The following CREBBP variants were observed in gnomAD, a reference collection of about 807,000 sequenced individuals.
The protein encoded by CREBBP is CREB binding lysine acetyltransferase.
Under a neutral mutation model 265.0 loss-of-function variants are expected in CREBBP, and 19 were observed. That is an observed-to-expected ratio of 0.07 (90% confidence interval 0.05 to 0.11). The LOEUF is 0.11. Ranked by LOEUF, CREBBP falls within the 10% of genes least tolerant of loss-of-function variation. The pLI, the probability that CREBBP is intolerant of heterozygous loss-of-function variation, is 1.00. For synonymous variants in CREBBP, 1,457 were observed against 1,223.7 expected, an observed-to-expected ratio of 1.19 and a Z score of -3.98; for missense variants, 2,525 against 3,219.0, an observed-to-expected ratio of 0.78 and a Z score of 5.22.
chr16:3,807,241 G>A (rs915153716), intron 3 of CREBBP, among the ~76,000 whole-genome samples: 2 of 152,094 alleles, frequency 1.3e-5, no homozygotes, highest in African/African-American at 4.8e-5. Flanking sequence ...GAAACTAGGA[G>A]GGGAGAGGAA....
intron 10 of CREBBP, 94 bp from the exon 11 acceptor site, chr16:3,777,751 A>G: frequency 1.4e-6 from 2 of 1,468,570 alleles, no homozygotes; most frequent in Non-Finnish European, 1.9e-6. Context: ...TAGGACTTCA[A>G]ACTTAAAAGG....
At chr16:3,873,535 G>C (rs1228441068) in intron 1 of CREBBP, among the ~76,000 whole-genome samples, 1 of 152,150 alleles carries the variant, frequency 6.6e-6, no homozygotes, top group Non-Finnish European at 1.5e-5. Context: ...AGCACTCCCA[G>C]TAAGTCCTAG....
chr16:3,843,793 C>G (rs1457467653), intron 2 of CREBBP, among the ~76,000 whole-genome samples: 1 of 152,084 alleles, frequency 6.6e-6, no homozygotes, highest in Non-Finnish European at 1.5e-5. Context: ...AGGGTGAAGT[C>G]TCTCAATTCT....
chr16:3,762,530 G>C (rs939130797), intron 16 of CREBBP, among the ~76,000 whole-genome samples: 5 of 151,886 alleles, frequency 3.3e-5, no homozygotes, highest in African/African-American at 1.2e-4. Context: ...TCTGTAAGAA[G>C]ATCCCATATG....
chr16:3,762,430 C>G (rs994581703), intron 16 of CREBBP, among the ~76,000 whole-genome samples: 2 of 134,530 alleles, frequency 1.5e-5, no homozygotes, highest in African/African-American at 5.7e-5. Flanking sequence ...GTGGTGCAAT[C>G]TCGGCCCCCA....
At chr16:3,760,803 A>G (rs747110493) in intron 16 of CREBBP, among the ~76,000 whole-genome samples, 26 of 151,782 alleles carry the variant, frequency 1.7e-4, no homozygotes, top group Non-Finnish European at 1.9e-4. Flanking sequence ...CTGTAGCTGC[A>G]AACTCCTGGG....
intron 2 of CREBBP, among the ~76,000 whole-genome samples, chr16:3,834,341 T>G (rs116760583): frequency 6.6e-6 from 1 of 152,120 alleles, no homozygotes. Context: ...TTGCCAAAAC[T>G]TGGAAGCAAC....
chr16:3,816,145 G>C (rs1379459281), intron 2 of CREBBP, among the ~76,000 whole-genome samples: 1 of 152,076 alleles, frequency 6.6e-6, no homozygotes, highest in East Asian at 1.9e-4. Flanking sequence ...GTTAACTATA[G>C]TAAGTACCCA....
chr16:3,777,692 C>A (rs772740710), intron 10 of CREBBP, 35 bp from the exon 11 acceptor site: 2 of 1,609,894 alleles, frequency 1.2e-6, no homozygotes, highest in East Asian at 2.2e-5. Flanking sequence ...AACAAAACCA[C>A]CCTAGTTATT....
Position 3,749,793 on chromosome 16 carries a change from C to G in CREBBP, c.3780-110G>C, listed in dbSNP as rs1418831230. 4 of 681,122 alleles carry G rather than the reference C, an allele frequency of 5.9e-6. No individual in the cohort carries two copies. In the East Asian group the frequency reaches 1.1e-4, roughly 19 times the overall value. The allele number at this position is 681,122 out of a possible 1,614,324, so 42.2% of individuals were successfully genotyped here. A position where few individuals can be genotyped will look rare whatever the true frequency, so the allele number is the denominator to read the frequency against. ...GTAACTAGTTCTTCAAACAAAAAGA[C>G]ATGATGGCCCCTTAAAATCTCAAGT... On this transcript the variant is annotated intron_variant, in intron 20 of 30. Coordinates refer to ENST00000262367, the MANE Select transcript of CREBBP (RefSeq NM_004380.3).
intron 30 of CREBBP, among the ~76,000 whole-genome samples, chr16:3,730,766 C>A (rs1457585687): frequency 6.6e-6 from 1 of 152,200 alleles, no homozygotes; most frequent in Non-Finnish European, 1.5e-5. Context: ...CACAGCCTGA[C>A]TCGGCCCATG....
At chr16:3,795,694 G>A (rs888758745) in intron 3 of CREBBP, among the ~76,000 whole-genome samples, 10 of 152,284 alleles carry the variant, frequency 6.6e-5, no homozygotes, top group African/African-American at 2.2e-4. Context: ...TGCAGTACTG[G>A]TGTTAAGTCC....
chr16:3,736,463 G>C (rs749346262), intron 27 of CREBBP, 187 bp downstream of exon 27: 352 of 889,122 alleles, frequency 4.0e-4, no homozygotes, highest in Non-Finnish European at 5.5e-4. Context: ...GCTCTCAGAC[G>C]GCCAGGGGAA....
At chr16:3,770,328 T>A (rs545578602) in intron 14 of CREBBP, among the ~76,000 whole-genome samples, 1 of 152,132 alleles carries the variant, frequency 6.6e-6, no homozygotes, top group Admixed American at 6.5e-5. Context: ...ACTACAGGAC[T>A]ACAGGCACAC....
intron 1 of CREBBP, among the ~76,000 whole-genome samples, chr16:3,879,594 G>T (rs2055479815): frequency 6.6e-6 from 1 of 152,218 alleles, no homozygotes; most frequent in Admixed American, 6.5e-5. Flanking sequence ...TCCCCGCGAG[G>T]AGGGCTGATC....
intron 2 of CREBBP, among the ~76,000 whole-genome samples, chr16:3,834,388 T>C (rs1046220749): frequency 2.0e-5 from 3 of 152,142 alleles, no homozygotes; most frequent in African/African-American, 7.2e-5. Context: ...ATAATTGCCA[T>C]GAAAAGACCC....
chr16:3,749,742 C>T, intron 20 of CREBBP, 59 bp from the exon 21 acceptor site: 4 of 1,102,080 alleles, frequency 3.6e-6, no homozygotes, highest in Non-Finnish European at 5.4e-6. Context: ...TGAGTATAAA[C>T]TATAGGGTCT....
chr16:3,769,620 G>A (rs1253439286), intron 14 of CREBBP, among the ~76,000 whole-genome samples: 1 of 152,138 alleles, frequency 6.6e-6, no homozygotes, highest in Admixed American at 6.5e-5. Flanking sequence ...TTATTTTCTC[G>A]AAGTTTTCTA....
chr16:3,862,638 C>T (rs2055100544), intron 1 of CREBBP, among the ~76,000 whole-genome samples: 1 of 152,180 alleles, frequency 6.6e-6, no homozygotes, highest in Non-Finnish European at 1.5e-5. Context: ...TCATATACGA[C>T]ATTCTAGTGG....
Sources: gnomAD v4.1 joint callset for allele counts (sites outside exome capture counted in the v4.1 genomes callset) on GRCh38, gnomAD v4.1.1 for gene constraint, MANE v1.5 for transcripts, NCBI Gene and HGNC (gene_info 2026-07-23, HGNC 2026-07-21) for gene names.